SLC25A48: variants seen among roughly 807,000 people sequenced by gnomAD.
SLC25A48 encodes CTC-321K16.1.
In SLC25A48, 29 loss-of-function variants were observed where a neutral mutation model predicts 32.2. The ratio of observed to expected loss-of-function variants is 0.90; its 90% CI spans 0.67 to 1.23. The LOEUF (loss-of-function observed/expected upper bound fraction) is 1.23. SLC25A48 is among the 50% of genes most tolerant of loss of function. The pLI, the probability that SLC25A48 is intolerant of heterozygous loss-of-function variation, is 0.00. For missense variants in SLC25A48, 399 were observed against 422.7 expected, an observed-to-expected ratio of 0.94 and a Z score of 0.49; for synonymous variants, 164 against 172.3, an observed-to-expected ratio of 0.95 and a Z score of 0.38.
At chr5:135,794,353 G>A (rs11955110) in intron 3 of SLC25A48, among the ~76,000 whole-genome samples, 98,929 of 151,052 alleles carry the variant, frequency 0.65, 34,339 homozygotes, top group Non-Finnish European at 0.77. Context: ...CAGGAGTTGT[G>A]CACCCCTTTG....
chr5:135,699,799 G>A (rs1580795643), intron 3 of SLC25A48, among the ~76,000 whole-genome samples: 1 of 152,122 alleles, frequency 6.6e-6, no homozygotes, highest in East Asian at 1.9e-4. Flanking sequence ...GTTGAGAGAG[G>A]AGCTTCTTAG....
At chr5:135,698,849 A>C (rs928857052) in intron 3 of SLC25A48, among the ~76,000 whole-genome samples, 1 of 152,264 alleles carries the variant, frequency 6.6e-6, no homozygotes, top group African/African-American at 2.4e-5. Context: ...TCTGTGGATC[A>C]GAAAAAAGGA....
intron 3 of SLC25A48, among the ~76,000 whole-genome samples, chr5:135,757,634 TTAA>T (rs1040825325): frequency 1.1e-4 from 16 of 149,672 alleles, no homozygotes; most frequent in African/African-American, 3.9e-4. Context: ...TATCTAGATA[TTAA>T]TAAAAACATC....
chr5:135,666,505 G>T (rs180988910), intron 3 of SLC25A48, among the ~76,000 whole-genome samples: 92 of 152,200 alleles, frequency 6.0e-4, no homozygotes, highest in Non-Finnish European at 9.9e-4. Context: ...TCTGCTCCTC[G>T]ATGTTTACCT....
At chr5:135,838,369 G>A (rs552906034) in intron 1 of SLC25A48, among the ~76,000 whole-genome samples, 15 of 152,322 alleles carry the variant, frequency 9.8e-5, no homozygotes, top group African/African-American at 3.1e-4. Context: ...ATAAAAGCTT[G>A]GAAAATTTGC....
rs140237248 is a variant in SLC25A48 at position 135,583,707 on chromosome 5, C to A, written c.-849+4110C>A. On this transcript the variant is annotated intron_variant, in intron 1 of 10. Coordinates refer to the SLC25A48 transcript ENST00000646290. ...AGAGCAAGATCCTGGGCTCCAGTAA[C>A]CTGTCTGGCCCCATCACCACTCATG... is the stretch of plus-strand genomic sequence containing the variant. Among the ~76,000 whole-genome samples, 1,061 of 152,214 alleles carry A rather than the reference C, an allele frequency of 7.0e-3. 8 individuals are homozygous for A. The highest frequency in any genetic ancestry group is 0.024 in the African/African-American group (1,002 of 41,508).
chr5:135,688,084 A>G (rs1277347936), intron 3 of SLC25A48, among the ~76,000 whole-genome samples: 1 of 39,580 alleles, frequency 2.5e-5, no homozygotes, highest in African/African-American at 9.2e-5. Context: ...TGTCTGTGTG[A>G]TTTTCACTAC....
chr5:135,615,912 T>C (rs1752175179), intron 1 of SLC25A48, among the ~76,000 whole-genome samples: 1 of 152,222 alleles, frequency 6.6e-6, no homozygotes, highest in Non-Finnish European at 1.5e-5. Flanking sequence ...CACTGCTGCC[T>C]GCATCTCAGC....
intron 3 of SLC25A48, among the ~76,000 whole-genome samples, chr5:135,672,167 C>A (rs1331528231): frequency 6.6e-6 from 1 of 152,152 alleles, no homozygotes; most frequent in Non-Finnish European, 1.5e-5. Context: ...GAAGTTACAG[C>A]CTCGGAAACT....
chr5:135,745,595 G>T (rs189539251), intron 3 of SLC25A48, among the ~76,000 whole-genome samples: 3 of 152,314 alleles, frequency 2.0e-5, no homozygotes, highest in African/African-American at 7.2e-5. Flanking sequence ...CCTGCCTCCT[G>T]CTTTTTAAGG....
At chr5:135,615,820 C>T (rs1752172825) in intron 1 of SLC25A48, among the ~76,000 whole-genome samples, 1 of 152,248 alleles carries the variant, frequency 6.6e-6, no homozygotes, top group African/African-American at 2.4e-5. Flanking sequence ...CAGCCCCTCT[C>T]ATCCCAGGCC....
chr5:135,728,653 A>T (rs1755149277), intron 3 of SLC25A48, among the ~76,000 whole-genome samples: 1 of 152,154 alleles, frequency 6.6e-6, no homozygotes, highest in Non-Finnish European at 1.5e-5. Context: ...TTACTTCCTC[A>T]GGAAAAACTT....
At chr5:135,668,166 G>A (rs149365035) in intron 3 of SLC25A48, among the ~76,000 whole-genome samples, 1 of 152,266 alleles carries the variant, frequency 6.6e-6, no homozygotes, top group East Asian at 1.9e-4. Context: ...CTAATCTGGT[G>A]TTTAAAATCT....
chr5:135,871,746 C>T (rs968853503), intron 5 of SLC25A48, 28 bp downstream of exon 5: 2 of 1,611,140 alleles, frequency 1.2e-6, no homozygotes, highest in Non-Finnish European at 1.7e-6. Flanking sequence ...TGGAGCCGCA[C>T]CCCTGTGCAG....
intron 1 of SLC25A48, among the ~76,000 whole-genome samples, chr5:135,584,162 C>T (rs1751305241): frequency 6.6e-6 from 1 of 152,230 alleles, no homozygotes; most frequent in Non-Finnish European, 1.5e-5. Flanking sequence ...CAAGATTCCC[C>T]TAAACATGGG....
intron 1 of SLC25A48, among the ~76,000 whole-genome samples, chr5:135,598,284 C>T (rs902266270): frequency 6.6e-6 from 1 of 152,216 alleles, no homozygotes; most frequent in African/African-American, 2.4e-5. Flanking sequence ...TTAGGGGCTT[C>T]CCTTACCCAG....
chr5:135,824,387 G>A (rs2304072), intron 4 of SLC25A48: 59,056 of 152,296 alleles, frequency 0.39, 12,813 homozygotes, highest in Non-Finnish European at 0.49. Context: ...CAGATGGAAC[G>A]TCCTTCTTTT....
intron 5 of SLC25A48, among the ~76,000 whole-genome samples, chr5:135,873,592 G>A (rs1761830999): frequency 6.6e-6 from 1 of 152,124 alleles, no homozygotes; most frequent in Non-Finnish European, 1.5e-5. Context: ...TCAGCCTCAT[G>A]CCTCACCCTG....
intron 3 of SLC25A48, among the ~76,000 whole-genome samples, chr5:135,675,981 G>T (rs1353998174): frequency 2.0e-5 from 3 of 151,754 alleles, no homozygotes; most frequent in African/African-American, 7.2e-5. Flanking sequence ...AAATTGGATT[G>T]CCTTATTGAT....
Sources: allele counts gnomAD v4.1 joint callset (sites outside exome capture counted in the v4.1 genomes callset), GRCh38; gene constraint gnomAD v4.1.1; transcripts MANE v1.5; gene names NCBI Gene and HGNC (gene_info 2026-07-23, HGNC 2026-07-21).